Variants in PIGM observed in about 807,000 individuals in gnomAD.
The protein encoded by PIGM is GPI alpha-1,4-mannosyltransferase I, catalytic subunit.
PIGM carries 7 observed loss-of-function variants against 14.6 expected under a neutral mutation model. The observed-to-expected ratio is 0.48, with a 90% confidence interval of 0.27 to 0.90. PIGM has a LOEUF of 0.90. Among genes scored for constraint, PIGM ranks in the 40% least tolerant of loss-of-function variants. The probability of loss-of-function intolerance (pLI) is 0.12; values close to 1 mark genes in which losing one functional copy is unlikely to be tolerated. For synonymous variants in PIGM, 216 were observed against 215.9 expected (o/e 1.00, Z 0.00); for missense variants, 506 against 516.2 (o/e 0.98, Z 0.19).
rs930644413 is a variant in PIGM at position 160,026,259 on chromosome 1, T to C, written c.*4209A>G. 1 of 152,234 alleles carries C rather than the reference T, an allele frequency of 6.6e-6. No homozygotes were observed. Among genetic ancestry groups the C allele is most frequent in the Non-Finnish European group, 1.5e-5 (1 of 68,048 alleles). The allele number at this position is 152,234 out of a possible 1,614,324, so 9.4% of individuals were successfully genotyped here. On this transcript the variant is annotated 3_prime_UTR_variant, in exon 1 of 1. Coordinates refer to ENST00000368090, the MANE Select transcript of PIGM (RefSeq NM_145167.3). Reference sequence around the variant, plus strand: ...CACCATGTTCTTTCCTTCCTCGGAATCTTTGAGATCCAAGAACGTCTGTTC... The same window carrying C: ...CACCATGTTCTTTCCTTCCTCGGAACCTTTGAGATCCAAGAACGTCTGTTC...
chr1:160,026,105 GGA>G lies in PIGM; in HGVS notation c.*4361_*4362del, dbSNP rs1429766655. The G allele has an allele frequency of 1.3e-5, 2 of 152,096 alleles. No individual in the cohort carries two copies. The highest frequency in any genetic ancestry group is 2.9e-5 in the Non-Finnish European group (2 of 68,020). 9.4% of individuals were successfully genotyped at this position (152,096 alleles called of 1,614,324 possible). ...GAGATTACCACCCCCATGTTTTTAG[GGA>G]GAGAGACAGAAAGTATGACACACAA... On this transcript the variant is annotated 3_prime_UTR_variant, in exon 1 of 1. Transcript: ENST00000368090.
Position 160,030,637 on chromosome 1 carries a change from T to G in PIGM, c.1103A>C (p.Gln368Pro). 1 of 1,614,248 alleles carries G rather than the reference T, an allele frequency of 6.2e-7. No individual in the cohort carries two copies. The highest frequency in any genetic ancestry group is 8.5e-7 in the Non-Finnish European group (1 of 1,180,044). Residue 368 changes from glutamine (Q) to proline (P), a missense_variant, in exon 1 of 1, where the codon CAG (glutamine) becomes CCG (proline). Physicochemically the swap from Gln to Pro is moderately conservative, Grantham distance 76. Coordinates refer to ENST00000368090, the MANE Select transcript of PIGM (RefSeq NM_145167.3). ...VVLLMLWFIG[Q>P]AMWLAPAYVL... is the part of the protein sequence containing the mutation. Reference sequence around the variant, plus strand: ...ATAGGCAGGAGCCAGCCACATGGCCTGCCCTATAAACCATAACATTAGGAG... The same window carrying G: ...ATAGGCAGGAGCCAGCCACATGGCCGGCCCTATAAACCATAACATTAGGAG...
rs1263241140 is a variant in PIGM, at chr1:160,029,872, T to A, written c.*596A>T. 1.6e-5 allele frequency: 2 copies of A among 123,482 alleles called. No homozygotes were observed. The highest frequency in any genetic ancestry group is 3.1e-5 in the Non-Finnish European group (2 of 63,516). The allele number at this position is 123,482 out of a possible 1,614,324, so 7.6% of individuals were successfully genotyped here. On this transcript the variant is annotated 3_prime_UTR_variant, in exon 1 of 1. Coordinates refer to ENST00000368090, the MANE Select transcript of PIGM (RefSeq NM_145167.3). ...TCCCATGCAGCTATGACTACAGGGG[T>A]GCACCACAACACCTGGCTAATTTTT...
Position 160,030,340 on chromosome 1 carries a change from G to A in PIGM, c.*128C>T. 3 of 1,009,710 alleles carry A rather than the reference G, an allele frequency of 3.0e-6. No homozygotes were observed. The highest frequency in any genetic ancestry group is 3.6e-5 in the Admixed American group (2 of 55,062). 62.5% of individuals were successfully genotyped at this position (1,009,710 alleles called of 1,614,324 possible). A position where few individuals can be genotyped will look rare whatever the true frequency, so the allele number is the denominator to read the frequency against. ...TATATAAGGCAAACATTGCTTTTAA[G>A]TTCTGTTGGAACATGGGAACTTTCA... On this transcript the variant is annotated 3_prime_UTR_variant, in exon 1 of 1. Transcript: ENST00000368090.
chr1:160,028,699 CT>C lies in PIGM; in HGVS notation c.*1768del, dbSNP rs1648238423. 6.6e-6 allele frequency: 1 copy of C among 152,064 alleles called. No homozygotes were observed. The highest frequency in any genetic ancestry group is 1.9e-4 in the East Asian group (1 of 5,204). 9.4% of individuals were successfully genotyped at this position (152,064 alleles called of 1,614,324 possible). A position where few individuals can be genotyped will look rare whatever the true frequency, so the allele number is the denominator to read the frequency against. Reference sequence around the variant, plus strand: ...TGCAAAAGAACAGTTCATCAAATTACTTATCTTTTAAAAAACACAATCACAA... The same window carrying C: ...TGCAAAAGAACAGTTCATCAAATTACTATCTTTTAAAAAACACAATCACAA... On this transcript the variant is annotated 3_prime_UTR_variant, in exon 1 of 1. Transcript: ENST00000368090.
rs11414039 is a variant in PIGM at position 160,029,395 on chromosome 1, C to CTTTTTT, written c.*1067_*1072dup. On this transcript the variant is annotated 3_prime_UTR_variant, in exon 1 of 1. Transcript: ENST00000368090. ...TTACAATTTAAATTCTTTGGATTAT[C>CTTTTTT]TTTTTTTTTTTTTTTTTTTGATATG... The CTTTTTT allele has an allele frequency of 6.4e-5, 8 of 124,862 alleles. No homozygotes were observed. The highest frequency in any genetic ancestry group is 2.3e-4 in the East Asian group (1 of 4,260). The allele number at this position is 124,862 out of a possible 1,614,324, so 7.7% of individuals were successfully genotyped here.
Position 160,031,857 on chromosome 1 carries a change from C to G in PIGM, c.-118G>C. 3 of 1,177,226 alleles carry G rather than the reference C, an allele frequency of 2.5e-6. No homozygotes were observed. Among genetic ancestry groups the G allele is most frequent in the South Asian group, 2.6e-5 (2 of 78,220 alleles). The allele number at this position is 1,177,226 out of a possible 1,614,324, so 72.9% of individuals were successfully genotyped here. A position where few individuals can be genotyped will look rare whatever the true frequency, so the allele number is the denominator to read the frequency against. On this transcript the variant is annotated 5_prime_UTR_variant, in exon 1 of 1. Coordinates refer to ENST00000368090, the MANE Select transcript of PIGM (RefSeq NM_145167.3). Reference sequence around the variant, plus strand: ...CATCTCCCACCCGCCAGGCTGCCAACCGAAACGACTGCAGACTATCACATC... The same window carrying G: ...CATCTCCCACCCGCCAGGCTGCCAAGCGAAACGACTGCAGACTATCACATC...
Position 160,031,634 on chromosome 1 carries a change from C to T in PIGM, c.106G>A (p.Gly36Ser). The T allele has an allele frequency of 6.2e-7, 1 of 1,614,154 alleles. No homozygotes were observed. The highest frequency in any genetic ancestry group is 1.6e-4 in the Middle Eastern group (1 of 6,062). Reference protein sequence around the residue: ...FLARVALVFYGVFQDRTLHVR... With the variant: ...FLARVALVFYSVFQDRTLHVR... Reference sequence around the variant, plus strand: ...TGCAGGGTCCGGTCCTGGAAGACGCCATAGAAAACCAGGGCGACTCTGGCT... The same window carrying T: ...TGCAGGGTCCGGTCCTGGAAGACGCTATAGAAAACCAGGGCGACTCTGGCT... Residue 36 changes from glycine (G) to serine (S), a missense_variant, in exon 1 of 1, where the codon GGC becomes AGC. Coordinates refer to ENST00000368090, the MANE Select transcript of PIGM (RefSeq NM_145167.3).
chr1:160,031,107 G>T lies in PIGM; in HGVS notation c.633C>A (p.Phe211Leu). The change falls in exon 1 of 1, where the codon TTC (phenylalanine) becomes TTA (leucine). Residue 211 changes from phenylalanine (F) to leucine (L), a missense_variant. Phe to Leu is a conservative substitution (Grantham distance 22). Coordinates refer to ENST00000368090, the MANE Select transcript of PIGM (RefSeq NM_145167.3). The stretch of plus-strand genomic sequence containing the variant: ...TCAGGAGCTCGTACAAACAAGCCTG[G>T]AAAGTGTACCGGAATTGACGGAGGC... ...DKSLRQFRYT[F>L]QACLYELLKR... 1 of 1,614,076 alleles carries T rather than the reference G, an allele frequency of 6.2e-7. No homozygotes were observed. Among genetic ancestry groups the T allele is most frequent in the South Asian group, 1.1e-5 (1 of 91,084 alleles).
In PIGM at chr1:160,026,762, G is replaced by A. The variant is rs992141486; in HGVS notation, c.*3706C>T. On this transcript the variant is annotated 3_prime_UTR_variant, in exon 1 of 1. Transcript: ENST00000368090. ...AGGATCACTTGAGCCTGGGAGTTCGGCTGCAGTGAGCCATGTTTATACTAC... is the reference window on the plus strand; with the variant it reads ...AGGATCACTTGAGCCTGGGAGTTCGACTGCAGTGAGCCATGTTTATACTAC... 1.3e-5 allele frequency: 2 copies of A among 152,136 alleles called. No individual in the cohort carries two copies. The highest frequency in any genetic ancestry group is 4.8e-5 in the African/African-American group (2 of 41,442). The allele number at this position is 152,136 out of a possible 1,614,324, so 9.4% of individuals were successfully genotyped here.
rs1162502675 is a variant in PIGM at position 160,026,474 on chromosome 1, T to C, written c.*3994A>G. On this transcript the variant is annotated 3_prime_UTR_variant, in exon 1 of 1. Transcript: ENST00000368090. Reference sequence around the variant, plus strand: ...TCAAAAAATTTTATAAATATATAATTATACATATACATAAAGCAAATATGG... The same window carrying C: ...TCAAAAAATTTTATAAATATATAATCATACATATACATAAAGCAAATATGG... 2 of 152,200 alleles carry C rather than the reference T, an allele frequency of 1.3e-5. No individual in the cohort carries two copies. The highest frequency in any genetic ancestry group is 3.8e-4 in the East Asian group (2 of 5,196). 9.4% of individuals were successfully genotyped at this position (152,200 alleles called of 1,614,324 possible).
In PIGM at chr1:160,030,443, A is replaced by G; in HGVS notation, c.*25T>C. 1 of 1,589,016 alleles carries G rather than the reference A, an allele frequency of 6.3e-7. No homozygotes were observed. The highest frequency in any genetic ancestry group is 8.6e-7 in the Non-Finnish European group (1 of 1,157,716). ...ATACAAGACAATCAGAATGTAACAC[A>G]GTAGCAGAGGGTGTGGAACATACAC... On this transcript the variant is annotated 3_prime_UTR_variant, in exon 1 of 1. Transcript: ENST00000368090.
chr1:160,030,517 A>C lies in PIGM; in HGVS notation c.1223T>G (p.Ile408Ser). 1 of 1,613,858 alleles carries C rather than the reference A, an allele frequency of 6.2e-7. No individual in the cohort carries two copies. Among genetic ancestry groups the C allele is most frequent in the South Asian group, 1.1e-5 (1 of 91,066 alleles). ...CAGGGGTTCTTCTTTGTAATGGGAA[A>C]TAATTTGAATCAGGATGGAACAATT... ...LINCSILIQI[I>S]SHYKEEPLTE... Residue 408 changes from isoleucine to serine, a missense_variant, in exon 1 of 1, where the codon ATT becomes AGT. Transcript: ENST00000368090.
Position 160,030,230 on chromosome 1 carries a change from A to G in PIGM, c.*238T>C, listed in dbSNP as rs1258260460. 2.3e-5 allele frequency: 11 copies of G among 470,222 alleles called. No homozygotes were observed. Among genetic ancestry groups the G allele is most frequent in the Non-Finnish European group, 3.9e-5 (10 of 256,720 alleles). The allele number at this position is 470,222 out of a possible 1,614,324, so 29.1% of individuals were successfully genotyped here. ...TTCATCAGCCTTTCCATTTTCCAAT[A>G]TGTGACCTTTATTCCCACCATGTCC... On this transcript the variant is annotated 3_prime_UTR_variant, in exon 1 of 1. Coordinates refer to ENST00000368090, the MANE Select transcript of PIGM (RefSeq NM_145167.3).
In PIGM at chr1:160,027,746, CA is replaced by C. The variant is rs1032270221; in HGVS notation, c.*2721del. ...ATTGTGATAAGAAGCAAAAAAAAAACATTTTTTTTACATAACCAGAAAACAA... is the reference window on the plus strand; with the variant it reads ...ATTGTGATAAGAAGCAAAAAAAAAACTTTTTTTTACATAACCAGAAAACAA... On this transcript the variant is annotated 3_prime_UTR_variant, in exon 1 of 1. Transcript: ENST00000368090. 2.0e-5 allele frequency: 3 copies of C among 149,826 alleles called. No individual in the cohort carries two copies. Among genetic ancestry groups the C allele is most frequent in the Non-Finnish European group, 3.0e-5 (2 of 67,372 alleles). The allele number at this position is 149,826 out of a possible 1,614,324, so 9.3% of individuals were successfully genotyped here.
rs1409804931 is a variant in PIGM, at chr1:160,031,168, G to C, written c.572C>G (p.Thr191Ser). The C allele has an allele frequency of 3.7e-6, 6 of 1,614,020 alleles. No individual in the cohort carries two copies. Among genetic ancestry groups the C allele is most frequent in the Non-Finnish European group, 5.1e-6 (6 of 1,180,024 alleles). ...GTCGCGATCTGGAAGCAGGTGGAGG[G>C]TTATGGGAAGGATGTAAGTCACTGG... The part of the protein sequence containing the change: ...IYPVTYILPI[T>S]LHLLPDRDND... Residue 191 changes from threonine (T) to serine (S), a missense_variant, in exon 1 of 1, where the codon ACC becomes AGC. Physicochemically the swap from Thr to Ser is moderately conservative, Grantham distance 58. Coordinates refer to ENST00000368090, the MANE Select transcript of PIGM (RefSeq NM_145167.3).
Position 160,030,739 on chromosome 1 carries a change from T to C in PIGM, c.1001A>G (p.Gln334Arg), listed in dbSNP as rs1648302230. 3 of 1,614,054 alleles carry C rather than the reference T, an allele frequency of 1.9e-6. No individual in the cohort carries two copies. The highest frequency in any genetic ancestry group is 1.7e-5 in the Admixed American group (1 of 59,990). Residue 334 changes from glutamine (Q) to arginine (R), a missense_variant, in exon 1 of 1, where the codon CAG becomes CGG. Transcript: ENST00000368090. ...FVTFNKVCTS[Q>R]YFLWYLCLLP... Reference sequence around the variant, plus strand: ...TAAGCAGAGGTACCAAAGAAAGTACTGGGAGGTGCAGACTTTGTTAAAAGT... The same window carrying C: ...TAAGCAGAGGTACCAAAGAAAGTACCGGGAGGTGCAGACTTTGTTAAAAGT...
rs1648196603 is a variant in PIGM at position 160,026,847 on chromosome 1, A to T, written c.*3621T>A. 6.6e-6 allele frequency: 1 copy of T among 151,720 alleles called. No individual in the cohort carries two copies. Among genetic ancestry groups the T allele is most frequent in the Non-Finnish European group, 1.5e-5 (1 of 67,932 alleles). 9.4% of individuals were successfully genotyped at this position (151,720 alleles called of 1,614,324 possible). Reference sequence around the variant, plus strand: ...TCTCAGAAAAATAAAAAAATAAAATAGTTGGAGCTGTTTGTTTTAGAGGCA... The same window carrying T: ...TCTCAGAAAAATAAAAAAATAAAATTGTTGGAGCTGTTTGTTTTAGAGGCA... On this transcript the variant is annotated 3_prime_UTR_variant, in exon 1 of 1. Coordinates refer to ENST00000368090, the MANE Select transcript of PIGM (RefSeq NM_145167.3).
chr1:160,031,929 G>C lies in PIGM; in HGVS notation c.-190C>G. 1.3e-6 allele frequency: 1 copy of C among 787,402 alleles called. No homozygotes were observed. The highest frequency in any genetic ancestry group is 2.2e-6 in the Non-Finnish European group (1 of 461,486). 48.8% of individuals were successfully genotyped at this position (787,402 alleles called of 1,614,324 possible). On this transcript the variant is annotated 5_prime_UTR_variant, in exon 1 of 1. Transcript: ENST00000368090. ...TACTGCTACCTGTCTCCAGCCCCGC[G>C]CGGTCTTCTCAGCCGCCCGAGCCAA...
Sources: gnomAD v4.1 joint callset for allele counts on GRCh38, gnomAD v4.1.1 for gene constraint, MANE v1.5 for transcripts, NCBI Gene and HGNC (gene_info 2026-07-23, HGNC 2026-07-21) for gene names.